Variants in TBC1D19 observed in about 807,000 individuals in gnomAD.
The protein encoded by TBC1D19 is TBC1 domain family, member 19.
A neutral mutation model predicts 89.0 loss-of-function variants in TBC1D19; 60 were observed. That is an observed-to-expected ratio of 0.67 (90% CI 0.55 to 0.84). The LOEUF (loss-of-function observed/expected upper bound fraction) is 0.84. TBC1D19 is among the 40% of genes least tolerant of loss of function. The probability of loss-of-function intolerance (pLI) is 0.00; values close to 1 mark genes in which losing one functional copy is unlikely to be tolerated. For missense variants in TBC1D19, 500 were observed against 610.8 expected, an observed-to-expected ratio of 0.82 and a Z score of 1.91; for synonymous variants, 189 against 199.7, an observed-to-expected ratio of 0.95 and a Z score of 0.45.
chr4:26,734,905 T>C (rs780350177), intron 15 of TBC1D19, among the ~76,000 whole-genome samples: 22 of 151,690 alleles, frequency 1.5e-4, no homozygotes, highest in Non-Finnish European at 2.5e-4. Flanking sequence ...TGTGTATATA[T>C]ACACACATGT....
At chr4:26,589,096 G>A (rs1480816290) in intron 1 of TBC1D19, among the ~76,000 whole-genome samples, 1 of 152,134 alleles carries the variant, frequency 6.6e-6, no homozygotes, top group African/African-American at 2.4e-5. Context: ...CCAACATGGT[G>A]AAACCCTGTC....
chr4:26,774,806 A>G, the TBC1D19 span, among the ~76,000 whole-genome samples: 1 of 151,906 alleles, frequency 6.6e-6, no homozygotes, highest in African/African-American at 2.4e-5. Flanking sequence ...GTCTGTTTGC[A>G]TTGCTAAAAG....
chr4:26,723,280 C>T (rs1717090804), intron 15 of TBC1D19, among the ~76,000 whole-genome samples: 1 of 151,518 alleles, frequency 6.6e-6, no homozygotes, highest in Admixed American at 6.6e-5. Flanking sequence ...TTTTTTTTAA[C>T]TCAAGGCAAT....
intron 16 of TBC1D19, among the ~76,000 whole-genome samples, chr4:26,736,739 T>C (rs1350699269): frequency 6.6e-6 from 1 of 152,200 alleles, no homozygotes; most frequent in African/African-American, 2.4e-5. Flanking sequence ...AGTACTGAGT[T>C]TGAGCTCATG....
At chr4:26,754,264 G>A (rs374863044) in intron 20 of TBC1D19, 6 of 179,328 alleles carry the variant, frequency 3.3e-5, no homozygotes, top group East Asian at 2.7e-4. Context: ...GTATTTGGAT[G>A]ATATAGTGAA....
intron 19 of TBC1D19, 132 bp downstream of exon 19, chr4:26,748,658 G>A (rs1034095151): frequency 6.0e-6 from 4 of 672,040 alleles, no homozygotes; most frequent in African/African-American, 5.5e-5. Flanking sequence ...AGATATATCT[G>A]GCTTTGACGA....
chr4:26,701,578 G>T (rs180713869), intron 13 of TBC1D19, among the ~76,000 whole-genome samples: 1 of 152,078 alleles, frequency 6.6e-6, no homozygotes, highest in Admixed American at 6.6e-5. Context: ...TGAGAAGGAA[G>T]CTTTCTTCTT....
chr4:26,700,497 G>A (rs1273466963), intron 13 of TBC1D19, among the ~76,000 whole-genome samples: 3 of 152,008 alleles, frequency 2.0e-5, no homozygotes, highest in Non-Finnish European at 4.4e-5. Context: ...TTGTCATTAA[G>A]CTGAGAGTTT....
At chr4:26,645,310 T>C (rs1022584535) in intron 7 of TBC1D19, among the ~76,000 whole-genome samples, 2 of 152,074 alleles carry the variant, frequency 1.3e-5, no homozygotes, top group African/African-American at 4.8e-5. Context: ...AACAGAGATG[T>C]AGACCAATGG....
chr4:26,826,743 T>A, the TBC1D19 span, among the ~76,000 whole-genome samples: 1 of 152,236 alleles, frequency 6.6e-6, no homozygotes, highest in African/African-American at 2.4e-5. Context: ...GAAAGACTAC[T>A]GTTTTAACTT....
At chr4:26,618,825 T>C (rs1741854624) in intron 3 of TBC1D19, among the ~76,000 whole-genome samples, 1 of 152,200 alleles carries the variant, frequency 6.6e-6, no homozygotes, top group Admixed American at 6.5e-5. Context: ...AATGGTTGCC[T>C]AAAATAGTTT....
chr4:26,787,404 A>G, the TBC1D19 span, among the ~76,000 whole-genome samples: 1,026 of 152,220 alleles, frequency 6.7e-3, 6 homozygotes, highest in African/African-American at 0.023. Flanking sequence ...GCCTGTCTAA[A>G]ACTAGGTTTA....
chr4:26,739,196 T>G (rs778917451), intron 16 of TBC1D19, among the ~76,000 whole-genome samples: 8 of 152,192 alleles, frequency 5.3e-5, no homozygotes, highest in Non-Finnish European at 1.0e-4. Flanking sequence ...AACTGTGGAA[T>G]GTCTGGTTGA....
chr4:26,577,614 G>C (rs76120046), intron 1 of TBC1D19, among the ~76,000 whole-genome samples: 1 of 152,200 alleles, frequency 6.6e-6, no homozygotes, highest in East Asian at 1.9e-4. Flanking sequence ...TGAGTACAAA[G>C]AGTCTAATAG....
At chr4:26,597,959 T>C (rs1429049859) in intron 1 of TBC1D19, among the ~76,000 whole-genome samples, 1 of 152,160 alleles carries the variant, frequency 6.6e-6, no homozygotes, top group African/African-American at 2.4e-5. Context: ...ATTATTACTT[T>C]CACTATTTTC....
At chr4:26,718,354 A>C (rs11944010) in intron 14 of TBC1D19, among the ~76,000 whole-genome samples, 57,119 of 151,740 alleles carry the variant, frequency 0.38, 11,736 homozygotes, top group Non-Finnish European at 0.47. Context: ...TTTTTTAACA[A>C]TCTATACTTC....
chr4:26,807,783 A>G, the TBC1D19 span, among the ~76,000 whole-genome samples: 1 of 152,148 alleles, frequency 6.6e-6, no homozygotes, highest in Non-Finnish European at 1.5e-5. Context: ...TATTTACAGA[A>G]CATATCAGGT....
the TBC1D19 span, among the ~76,000 whole-genome samples, chr4:26,812,520 C>G: frequency 6.6e-6 from 1 of 152,090 alleles, no homozygotes; most frequent in African/African-American, 2.4e-5. This position sits in a 1 kb window ranked among gnomAD's most constrained non-coding sequence, Gnocchi z 4.2. Context: ...TTTCAGGGAC[C>G]CACCCTTTAT....
chr4:26,856,494 G>C, the TBC1D19 span, among the ~76,000 whole-genome samples: 1 of 152,152 alleles, frequency 6.6e-6, no homozygotes. Context: ...TATATACTCA[G>C]AAGTGGGATT....
Sources: allele counts gnomAD v4.1 joint callset (sites outside exome capture counted in the v4.1 genomes callset), GRCh38; gene constraint gnomAD v4.1.1; non-coding constraint Gnocchi (gnomAD v3.1); transcripts MANE v1.5; gene names NCBI Gene and HGNC (gene_info 2026-07-23, HGNC 2026-07-21).